The following LRRC7 variants were observed in gnomAD, a reference collection of about 807,000 sequenced individuals.
The protein encoded by LRRC7 is leucine rich repeat containing 7.
LRRC7 carries 23 observed loss-of-function variants against 175.7 expected under a neutral mutation model. The observed-to-expected ratio is 0.13, with a 90% CI of 0.09 to 0.19. The LOEUF (loss-of-function observed/expected upper bound fraction) is 0.19, where lower values mean the gene tolerates loss of function less well. LRRC7 is among the 10% of genes least tolerant of loss of function. The probability of loss-of-function intolerance (pLI) is 1.00; values close to 1 mark genes in which losing one functional copy is unlikely to be tolerated. For missense variants in LRRC7, 1,354 were observed against 1,904.7 expected (o/e 0.71, Z 5.38); for synonymous variants, 685 against 680.9 (o/e 1.01, Z -0.09).
chr1:70,139,753 C>T lies in LRRC7; in HGVS notation c.*17866C>T, dbSNP rs878999388. On this transcript the variant is annotated 3_prime_UTR_variant, in exon 27 of 27. Transcript: ENST00000651989. ...TAATTGTAGGTTTTCAGGAAAGCTT[C>T]GGAGACACGGCAGGTACAGTCTCCT... 6.6e-6 allele frequency: 1 copy of T among 152,110 alleles called. No individual in the cohort carries two copies. The highest frequency in any genetic ancestry group is 6.6e-5 in the Admixed American group (1 of 15,262). The allele number at this position is 152,110 out of a possible 1,614,324, so 9.4% of individuals were successfully genotyped here.
intron 8 of LRRC7, among the ~76,000 whole-genome samples, chr1:69,958,783 A>ATAT (rs1650755330): frequency 6.6e-6 from 1 of 152,066 alleles, no homozygotes; most frequent in South Asian, 2.1e-4. Context: ...ACTTCAACTA[A>ATAT]GCCAGATCCT....
At chr1:69,929,474 C>T (rs1647200567) in intron 7 of LRRC7, among the ~76,000 whole-genome samples, 1 of 152,188 alleles carries the variant, frequency 6.6e-6, no homozygotes, top group South Asian at 2.1e-4. Flanking sequence ...ACAGTCAGCT[C>T]TCATTCCCCA....
chr1:69,660,167 G>A (rs1014498663), intron 1 of LRRC7, among the ~76,000 whole-genome samples: 1 of 151,822 alleles, frequency 6.6e-6, no homozygotes, highest in Non-Finnish European at 1.5e-5. Flanking sequence ...TATATTATCA[G>A]ATAAGCAGAT....
chr1:69,740,162 T>C (rs1305178057), intron 2 of LRRC7, among the ~76,000 whole-genome samples: 1 of 152,094 alleles, frequency 6.6e-6, no homozygotes, highest in African/African-American at 2.4e-5. Flanking sequence ...AAGGCTGCCA[T>C]AAGAAAACAC....
At chr1:70,087,917 T>C (rs1198112582) in intron 24 of LRRC7, among the ~76,000 whole-genome samples, 1 of 152,190 alleles carries the variant, frequency 6.6e-6, no homozygotes, top group Non-Finnish European at 1.5e-5. Flanking sequence ...ATCCAGGTTC[T>C]AGTGACAATA....
chr1:69,604,767 T>C (rs115369866), intron 1 of LRRC7, among the ~76,000 whole-genome samples: 2,071 of 152,266 alleles, frequency 0.014, 38 homozygotes, highest in African/African-American at 0.047. Context: ...AGGGTGGCTC[T>C]AAGGAACTTC....
intron 6 of LRRC7, 80 bp downstream of exon 6, chr1:69,834,949 A>G (rs1218958541): frequency 5.9e-5 from 61 of 1,041,536 alleles, no homozygotes; most frequent in Middle Eastern, 2.0e-4. Context: ...ATGAGACTTC[A>G]AAAGTGTCAG....
chr1:69,630,917 A>G (rs1004686704), intron 1 of LRRC7, among the ~76,000 whole-genome samples: 1 of 152,130 alleles, frequency 6.6e-6, no homozygotes, highest in African/African-American at 2.4e-5. Context: ...AAAATTGCTT[A>G]TATAGCCAGA....
chr1:69,804,465 A>G (rs1676885220), intron 4 of LRRC7, among the ~76,000 whole-genome samples: 1 of 151,460 alleles, frequency 6.6e-6, no homozygotes, highest in South Asian at 2.1e-4. Flanking sequence ...GAACTGGAAA[A>G]TGAAGTTTTG....
intron 2 of LRRC7, among the ~76,000 whole-genome samples, chr1:69,731,978 A>G (rs1667626940): frequency 6.6e-6 from 1 of 152,132 alleles, no homozygotes; most frequent in South Asian, 2.1e-4. Flanking sequence ...GTTTATTGCT[A>G]ACTAGTTAAT....
At chr1:69,826,756 A>G (rs995916643) in intron 5 of LRRC7, among the ~76,000 whole-genome samples, 2 of 152,156 alleles carry the variant, frequency 1.3e-5, no homozygotes, top group African/African-American at 4.8e-5. Context: ...ACCGAAGCCC[A>G]TTGGAAAGAC....
At chr1:69,714,644 G>C (rs746098724) in intron 2 of LRRC7, among the ~76,000 whole-genome samples, 5 of 152,128 alleles carry the variant, frequency 3.3e-5, no homozygotes, top group South Asian at 2.1e-4. Context: ...AAGATGTAGT[G>C]GGGGCCAGGA....
At chr1:69,970,697 C>T (rs1021135157) in intron 8 of LRRC7, among the ~76,000 whole-genome samples, 20 of 152,202 alleles carry the variant, frequency 1.3e-4, no homozygotes, top group Non-Finnish European at 2.1e-4. Context: ...TTCTACCAGA[C>T]ATTCAAAGAA....
At chr1:69,573,574 G>T (rs1055543170) in intron 1 of LRRC7, among the ~76,000 whole-genome samples, 4 of 152,078 alleles carry the variant, frequency 2.6e-5, no homozygotes, top group Non-Finnish European at 5.9e-5. Context: ...GTCAATAGCT[G>T]TCATGTCTAT....
intron 8 of LRRC7, among the ~76,000 whole-genome samples, chr1:69,968,000 T>C (rs970600812): frequency 6.6e-6 from 1 of 152,024 alleles, no homozygotes; most frequent in East Asian, 1.9e-4. Flanking sequence ...GTTATTAAGC[T>C]AATCAGGGAG....
intron 18 of LRRC7, among the ~76,000 whole-genome samples, chr1:70,033,682 C>T (rs935326920): frequency 1.3e-5 from 2 of 152,104 alleles, no homozygotes; most frequent in East Asian, 3.9e-4. Context: ...AGCTACCATG[C>T]AGAGTTCCGG....
At chr1:70,093,277 A>G (rs1028465297) in intron 25 of LRRC7, among the ~76,000 whole-genome samples, 11 of 152,204 alleles carry the variant, frequency 7.2e-5, no homozygotes, top group African/African-American at 2.4e-4. Flanking sequence ...TTTATTGAGT[A>G]TATACAAAAT....
At chr1:69,725,890 T>C (rs1666925873) in intron 2 of LRRC7, among the ~76,000 whole-genome samples, 1 of 152,222 alleles carries the variant, frequency 6.6e-6, no homozygotes, top group South Asian at 2.1e-4. Flanking sequence ...GTTTTGATGC[T>C]GCCATGTCTG....
chr1:69,988,667 T>C (rs574111643), intron 10 of LRRC7, among the ~76,000 whole-genome samples: 1 of 152,248 alleles, frequency 6.6e-6, no homozygotes, highest in South Asian at 2.1e-4. Flanking sequence ...TTACAACTAG[T>C]ATGTGGAGCT....
Sources: allele counts gnomAD v4.1 joint callset (sites outside exome capture counted in the v4.1 genomes callset), GRCh38; gene constraint gnomAD v4.1.1; transcripts MANE v1.5; gene names NCBI Gene and HGNC (gene_info 2026-07-23, HGNC 2026-07-21).